The following SSBP3 variants were observed in gnomAD, a reference collection of about 807,000 sequenced individuals.
The protein encoded by SSBP3 is single stranded DNA binding protein 3, also known as single-stranded DNA-binding protein 3.
Under a neutral mutation model 69.6 loss-of-function variants are expected in SSBP3, and 5 were observed. The ratio of observed to expected loss-of-function variants is 0.07; its 90% CI spans 0.04 to 0.15. SSBP3 has a LOEUF of 0.15. SSBP3 is among the 10% of genes least tolerant of loss of function. The probability of loss-of-function intolerance (pLI) is 1.00; values close to 1 mark genes in which losing one functional copy is unlikely to be tolerated. For synonymous variants in SSBP3, 196 were observed against 193.4 expected (o/e 1.01, Z -0.11); for missense variants, 312 against 534.0 (o/e 0.58, Z 4.10).
At chr1:54,325,594 G>GATTACGACACCATC (rs1470789296) in intron 4 of SSBP3, among the ~76,000 whole-genome samples, 5 of 152,188 alleles carry the variant, frequency 3.3e-5, no homozygotes, top group African/African-American at 1.2e-4. Flanking sequence ...TTCTGTATCA[G>GATTACGACACCATC]ATTACGACAC....
At chr1:54,234,695 C>T (rs1644455357) in intron 14 of SSBP3, among the ~76,000 whole-genome samples, 1 of 152,010 alleles carries the variant, frequency 6.6e-6, no homozygotes, top group African/African-American at 2.4e-5. Flanking sequence ...GAACATTCTG[C>T]TCTGCTTTCT....
At chr1:54,263,239 C>A (rs570306477) in intron 5 of SSBP3, among the ~76,000 whole-genome samples, 2 of 152,194 alleles carry the variant, frequency 1.3e-5, no homozygotes, top group Admixed American at 6.5e-5. Flanking sequence ...AAGGACTCTG[C>A]GGAAAAGCAT....
chr1:54,240,108 G>GCA (rs1474360791), intron 13 of SSBP3, among the ~76,000 whole-genome samples: 199 of 5,046 alleles, frequency 0.039, 5 homozygotes, highest in Non-Finnish European at 0.12. Context: ...GCGTGTGCGT[G>GCA]CGCGCGCGCG....
At chr1:54,365,430 T>G (rs61776542) in intron 4 of SSBP3, among the ~76,000 whole-genome samples, 27,718 of 152,084 alleles carry the variant, frequency 0.18, 2,729 homozygotes, top group East Asian at 0.28. Flanking sequence ...AAAAATGCAG[T>G]AACCAAAACA....
intron 4 of SSBP3, among the ~76,000 whole-genome samples, chr1:54,297,596 A>G (rs1645724810): frequency 6.6e-6 from 1 of 152,154 alleles, no homozygotes; most frequent in Non-Finnish European, 1.5e-5. Flanking sequence ...ATGCCACTGC[A>G]CTCCAGCCTG....
chr1:54,273,791 C>T (rs1211087137), intron 5 of SSBP3, among the ~76,000 whole-genome samples: 2 of 152,216 alleles, frequency 1.3e-5, no homozygotes, highest in African/African-American at 4.8e-5. Context: ...TGTCCCACTC[C>T]CAGGATAGGG....
chr1:54,371,171 T>A (rs1647126953), intron 4 of SSBP3, among the ~76,000 whole-genome samples: 1 of 152,194 alleles, frequency 6.6e-6, no homozygotes, highest in Admixed American at 6.5e-5. Context: ...TTCATAGCCA[T>A]ATCAGGTCGC....
chr1:54,360,954 G>A (rs1291311695), intron 4 of SSBP3, among the ~76,000 whole-genome samples: 1 of 151,828 alleles, frequency 6.6e-6, no homozygotes, highest in Non-Finnish European at 1.5e-5. Flanking sequence ...GATGTGGCAA[G>A]GGGTACATGC....
At chr1:54,287,259 A>G (rs1252866286) in intron 4 of SSBP3, 1 of 152,234 alleles carries the variant, frequency 6.6e-6, no homozygotes, top group Non-Finnish European at 1.5e-5. Context: ...ACAAGGCTGC[A>G]AAATGGTACT....
intron 4 of SSBP3, among the ~76,000 whole-genome samples, chr1:54,307,393 G>A (rs982349512): frequency 3.3e-5 from 5 of 152,032 alleles, no homozygotes; most frequent in South Asian, 2.1e-4. Context: ...CCCCTAGCCC[G>A]GGCCAGGACT....
At chr1:54,388,299 C>T (rs1317318464) in intron 4 of SSBP3, among the ~76,000 whole-genome samples, 2 of 152,206 alleles carry the variant, frequency 1.3e-5, no homozygotes, top group Non-Finnish European at 2.9e-5. Flanking sequence ...CCCAGCTCTA[C>T]TATCTAATGA....
rs920251111 is a variant in SSBP3 at position 54,258,799 on chromosome 1, C to A, written c.367-650G>T. 4.6e-5 allele frequency among the ~76,000 whole-genome samples: 7 copies of A among 152,174 alleles called. No individual in the cohort carries two copies. Among genetic ancestry groups the A allele is most frequent in the African/African-American group, 1.4e-4 (6 of 41,442 alleles). On this transcript the variant is annotated intron_variant, in intron 5 of 17. Transcript: ENST00000610401. The surrounding 1 kb of genome is among the most constrained non-coding windows in gnomAD (Gnocchi z 4.5). Reference sequence around the variant, plus strand: ...GAGGGGACAGTGAGTGAGGGCCACACGGTGTGGGCAGCACAGACTCGCACA... The same window carrying A: ...GAGGGGACAGTGAGTGAGGGCCACAAGGTGTGGGCAGCACAGACTCGCACA...
intron 7 of SSBP3, among the ~76,000 whole-genome samples, chr1:54,253,355 C>T (rs1274641853): frequency 6.6e-6 from 1 of 151,730 alleles, no homozygotes; most frequent in African/African-American, 2.4e-5. Context: ...TCACACCCGG[C>T]TAATTTTTAA....
chr1:54,325,580 A>G (rs980756831), intron 4 of SSBP3: 3 of 164,064 alleles, frequency 1.8e-5, no homozygotes, highest in African/African-American at 7.2e-5. Flanking sequence ...CTGCTGATGT[A>G]AAATTCTGTA....
chr1:54,302,383 G>C (rs574678824), intron 4 of SSBP3, among the ~76,000 whole-genome samples: 1 of 150,512 alleles, frequency 6.6e-6, no homozygotes, highest in Non-Finnish European at 1.5e-5. Context: ...GCAGTGGCGT[G>C]ATTACTGCAA....
intron 4 of SSBP3, among the ~76,000 whole-genome samples, chr1:54,333,546 A>C (rs1407297028): frequency 6.6e-6 from 1 of 151,928 alleles, no homozygotes; most frequent in Non-Finnish European, 1.5e-5. Context: ...GGCTGAGGGA[A>C]CATAGTGAGA....
chr1:54,256,243 G>A (rs1402790197), intron 7 of SSBP3, among the ~76,000 whole-genome samples: 1 of 152,184 alleles, frequency 6.6e-6, no homozygotes, highest in Admixed American at 6.5e-5. Context: ...GGCAACAAGG[G>A]CTGGATGTGC....
intron 4 of SSBP3, among the ~76,000 whole-genome samples, chr1:54,303,676 GCCC>G (rs1645845054): frequency 6.6e-6 from 1 of 152,164 alleles, no homozygotes; most frequent in Admixed American, 6.5e-5. Flanking sequence ...CTGCATGGAA[GCCC>G]TAGCCACAAG....
chr1:54,242,237 G>A (rs1644652501), intron 10 of SSBP3, 25 bp from the exon 11 acceptor site: 5 of 1,613,634 alleles, frequency 3.1e-6, no homozygotes, highest in Non-Finnish European at 4.2e-6. Flanking sequence ...AAGAGATGTG[G>A]ACAATGAAAA....
Sources: allele counts gnomAD v4.1 joint callset (sites outside exome capture counted in the v4.1 genomes callset), GRCh38; gene constraint gnomAD v4.1.1; non-coding constraint Gnocchi (gnomAD v3.1); transcripts MANE v1.5; gene names NCBI Gene and HGNC (gene_info 2026-07-23, HGNC 2026-07-21).